The following PDZD9 variants were observed in gnomAD, a reference collection of about 807,000 sequenced individuals.
PDZD9 encodes PDZ domain containing 9, also known as PDZ domain-containing protein 9.
PDZD9 carries 13 observed loss-of-function variants against 16.3 expected under a neutral mutation model. That is an observed-to-expected ratio of 0.80 (90% confidence interval 0.52 to 1.27). The LOEUF (loss-of-function observed/expected upper bound fraction) is 1.27, where lower values mean the gene tolerates loss of function less well. Among genes scored for constraint, PDZD9 ranks in the 50% most tolerant of loss-of-function variants. The pLI, the probability that PDZD9 is intolerant of heterozygous loss-of-function variation, is 0.00. For missense variants in PDZD9, 288 were observed against 310.9 expected, an observed-to-expected ratio of 0.93 and a Z score of 0.55; for synonymous variants, 120 against 111.0, an observed-to-expected ratio of 1.08 and a Z score of -0.51.
At chr16:21,986,228 C>T (rs1278808144) in intron 3 of PDZD9, among the ~76,000 whole-genome samples, 2 of 152,098 alleles carry the variant, frequency 1.3e-5, no homozygotes, top group Non-Finnish European at 2.9e-5. Context: ...CTTTCCCTGC[C>T]GCGTTATACA....
the PDZD9 span, chr16:21,968,472 C>G: frequency 6.0e-6 from 3 of 500,796 alleles, no homozygotes; most frequent in Non-Finnish European, 1.0e-5. Flanking sequence ...ATAATAAAAT[C>G]CCAGGGTAAT....
the PDZD9 span, chr16:21,971,452 CAAGG>C: frequency 3.7e-5 from 48 of 1,288,004 alleles, no homozygotes; most frequent in Non-Finnish European, 5.0e-5. Flanking sequence ...ATTTTTAAAA[CAAGG>C]AAAAAATATT....
chr16:21,999,943 G>T (rs1318757561), intron 1 of PDZD9, among the ~76,000 whole-genome samples: 1 of 152,180 alleles, frequency 6.6e-6, no homozygotes, highest in Non-Finnish European at 1.5e-5. Context: ...AGGCTGAGGG[G>T]CAAGAATCGC....
At chr16:21,977,389 T>TA in the PDZD9 span, among the ~76,000 whole-genome samples, 1 of 151,996 alleles carries the variant, frequency 6.6e-6, no homozygotes, top group Admixed American at 6.6e-5. Flanking sequence ...GTCACAAATC[T>TA]AAAGAGATTG....
chr16:21,999,847 G>C (rs1257035222), intron 1 of PDZD9, among the ~76,000 whole-genome samples: 3 of 152,130 alleles, frequency 2.0e-5, no homozygotes, highest in African/African-American at 7.2e-5. Context: ...GACCAGCCTG[G>C]CCAGCATGGT....
chr16:21,988,142 G>T (rs1898928004), intron 3 of PDZD9, among the ~76,000 whole-genome samples: 1 of 151,760 alleles, frequency 6.6e-6, no homozygotes, highest in Non-Finnish European at 1.5e-5. Context: ...CGAATAGCTG[G>T]AATTACAGGC....
the PDZD9 span, chr16:21,963,121 T>G: frequency 2.9e-6 from 1 of 341,612 alleles, no homozygotes; most frequent in East Asian, 6.4e-5. Context: ...CCTGAGCAGC[T>G]GGAATTATAG....
At chr16:21,981,646 T>C (rs1282778859), downstream of PDZD9, among the ~76,000 whole-genome samples, 5 of 151,568 alleles carry the variant, frequency 3.3e-5, no homozygotes, top group Non-Finnish European at 7.4e-5. Flanking sequence ...TCCCAGCTAC[T>C]CAGGAGCTCA....
intron 2 of PDZD9, among the ~76,000 whole-genome samples, chr16:21,993,711 G>C (rs1264262668): frequency 1.3e-5 from 2 of 152,104 alleles, no homozygotes; most frequent in Admixed American, 1.3e-4. Flanking sequence ...GGTAACCAGA[G>C]TTGCAAACCA....
chr16:21,964,760 T>C, the PDZD9 span, among the ~76,000 whole-genome samples: 1 of 152,230 alleles, frequency 6.6e-6, no homozygotes, highest in Non-Finnish European at 1.5e-5. Flanking sequence ...TAATACTTTA[T>C]TTCACAGTTT....
rs376411192 is a variant in PDZD9 at position 21,998,568 on chromosome 16, T to C, written c.32-2067A>G. Among the ~76,000 whole-genome samples, 119 of 152,070 alleles carry C rather than the reference T, an allele frequency of 7.8e-4. 1 individual carries two copies. Among genetic ancestry groups the C allele is most frequent in the African/African-American group, 2.7e-3 (112 of 41,506 alleles). ...TTAGCTGGGCATGGTGGCGCGGGCCTGTAATCCCAGCTACTTGGGAGGCTG... is the reference window on the plus strand; with the variant it reads ...TTAGCTGGGCATGGTGGCGCGGGCCCGTAATCCCAGCTACTTGGGAGGCTG... On this transcript the variant is annotated intron_variant, in intron 1 of 3. Coordinates refer to ENST00000424898, the MANE Select transcript of PDZD9 (RefSeq NM_001363519.1).
At chr16:21,971,175 A>T in the PDZD9 span, among the ~76,000 whole-genome samples, 2 of 152,206 alleles carry the variant, frequency 1.3e-5, no homozygotes, top group African/African-American at 4.8e-5. Flanking sequence ...GGGATTCTTT[A>T]TAACCATTAA....
At chr16:21,986,532 G>T (rs1336155051) in intron 3 of PDZD9, among the ~76,000 whole-genome samples, 1 of 152,176 alleles carries the variant, frequency 6.6e-6, no homozygotes, top group African/African-American at 2.4e-5. Context: ...ATTGTGAGTT[G>T]TGATCGTGCT....
At chr16:21,988,482 T>C in intron 3 of PDZD9, 120 bp downstream of exon 3, 1 of 799,898 alleles carries the variant, frequency 1.3e-6, no homozygotes, top group Non-Finnish European at 1.9e-6. Context: ...ACTCTGACAG[T>C]GTCACCAGTC....
chr16:21,971,657 A>G, the PDZD9 span: 2 of 1,596,840 alleles, frequency 1.3e-6, no homozygotes, highest in Non-Finnish European at 1.7e-6. Flanking sequence ...ATTTATCAGA[A>G]GGGCGTTTCC....
chr16:21,990,022 A>G (rs902264157), intron 2 of PDZD9, among the ~76,000 whole-genome samples: 3 of 152,170 alleles, frequency 2.0e-5, no homozygotes, highest in Non-Finnish European at 4.4e-5. Flanking sequence ...AGGGGTAGTT[A>G]CACACAGCTC....
the PDZD9 span, chr16:21,958,473 T>C: frequency 1.4e-6 from 2 of 1,417,312 alleles, no homozygotes; most frequent in South Asian, 1.2e-5. Flanking sequence ...TTTGATATAG[T>C]GTGATGTTTG....
the PDZD9 span, chr16:21,976,130 C>G: frequency 6.7e-7 from 1 of 1,497,456 alleles, no homozygotes; most frequent in Non-Finnish European, 9.3e-7. Context: ...GACTCTGGTA[C>G]TGACCACAGA....
downstream of PDZD9, among the ~76,000 whole-genome samples, chr16:21,982,919 G>A (rs536665943): frequency 1.6e-4 from 23 of 142,340 alleles, no homozygotes; most frequent in East Asian, 4.1e-3. Context: ...AGCCAAGATC[G>A]CAGCACTGCA....
Sources: allele counts gnomAD v4.1 joint callset (sites outside exome capture counted in the v4.1 genomes callset), GRCh38; gene constraint gnomAD v4.1.1; transcripts MANE v1.5; gene names NCBI Gene and HGNC (gene_info 2026-07-23, HGNC 2026-07-21).